Variants in SH3GL2 observed in about 807,000 individuals in gnomAD.
The protein encoded by SH3GL2 is endophilin-A1.
Under a neutral mutation model 46.0 loss-of-function variants are expected in SH3GL2, and 24 were observed. The observed-to-expected ratio is 0.52, with a 90% confidence interval of 0.38 to 0.73. The LOEUF (loss-of-function observed/expected upper bound fraction) is 0.73. Among genes scored for constraint, SH3GL2 ranks in the 30% least tolerant of loss-of-function variants. The probability of loss-of-function intolerance (pLI) is 0.00; values close to 1 mark genes in which losing one functional copy is unlikely to be tolerated. For missense variants in SH3GL2, 413 were observed against 424.2 expected (o/e 0.97, Z 0.23); for synonymous variants, 196 against 147.1 (o/e 1.33, Z -2.40).
intron 2 of SH3GL2, among the ~76,000 whole-genome samples, chr9:17,754,566 G>A (rs1333514120): frequency 3.3e-5 from 5 of 152,062 alleles, no homozygotes; most frequent in South Asian, 2.1e-4. Context: ...CCAGCTACTC[G>A]GGAGGCTGAG....
chr9:17,791,439 A>T lies in SH3GL2; in HGVS notation c.728+105A>T, dbSNP rs986319300. 4.9e-6 allele frequency: 4 copies of T among 824,310 alleles called. No individual in the cohort carries two copies. In the African/African-American group the frequency reaches 6.8e-5, roughly 14 times the overall value. The allele number at this position is 824,310 out of a possible 1,614,324, so 51.1% of individuals were successfully genotyped here. A position where few individuals can be genotyped will look rare whatever the true frequency, so the allele number is the denominator to read the frequency against. On this transcript the variant is annotated intron_variant, in intron 7 of 8. Coordinates refer to ENST00000380607, the MANE Select transcript of SH3GL2 (RefSeq NM_003026.5). ...ACATTTGGAGACAAACGTCTGCCAA[A>T]ATTCCGCTTATCCTACAGAGGCGCC...
chr9:17,689,685 C>T (rs996519349), intron 1 of SH3GL2, among the ~76,000 whole-genome samples: 2 of 152,166 alleles, frequency 1.3e-5, no homozygotes, highest in Non-Finnish European at 2.9e-5. Flanking sequence ...TTTGCCATTT[C>T]CTCTGCCTGA....
chr9:17,610,628 T>C (rs1818843388), intron 1 of SH3GL2, among the ~76,000 whole-genome samples: 2 of 152,218 alleles, frequency 1.3e-5, no homozygotes, highest in Non-Finnish European at 2.9e-5. Context: ...GATCCCTGGC[T>C]GAATAGTGTT....
intron 1 of SH3GL2, among the ~76,000 whole-genome samples, chr9:17,606,853 C>G (rs1818769272): frequency 6.6e-6 from 1 of 152,168 alleles, no homozygotes; most frequent in African/African-American, 2.4e-5. Flanking sequence ...CACTCTTTGT[C>G]CAGGCAGCTT....
chr9:17,697,208 C>G (rs928450088), intron 1 of SH3GL2, among the ~76,000 whole-genome samples: 22 of 151,894 alleles, frequency 1.4e-4, no homozygotes, highest in African/African-American at 5.3e-4. Flanking sequence ...TCAACTTGAG[C>G]ATGAGCTCAA....
intron 1 of SH3GL2, among the ~76,000 whole-genome samples, chr9:17,703,188 G>A (rs1821380031): frequency 6.6e-6 from 1 of 151,934 alleles, no homozygotes; most frequent in South Asian, 2.1e-4. Flanking sequence ...ATGAAAATGA[G>A]CTGCATTATT....
chr9:17,761,373 C>G (rs1297274559), intron 2 of SH3GL2, 64 bp from the exon 3 acceptor site: 2 of 1,055,574 alleles, frequency 1.9e-6, no homozygotes, highest in South Asian at 1.3e-5. Flanking sequence ...ACAGACTCAA[C>G]CAAAAACCGG....
chr9:17,711,174 A>T (rs1821611087), intron 1 of SH3GL2, among the ~76,000 whole-genome samples: 1 of 151,880 alleles, frequency 6.6e-6, no homozygotes. Context: ...CTCCTCAGTA[A>T]ATGTGAGCTG....
At chr9:17,632,281 T>A (rs901489488) in intron 1 of SH3GL2, among the ~76,000 whole-genome samples, 4 of 152,126 alleles carry the variant, frequency 2.6e-5, no homozygotes, top group Non-Finnish European at 5.9e-5. Context: ...TAGAGAAAAA[T>A]AATTAAAAAA....
intron 1 of SH3GL2, among the ~76,000 whole-genome samples, chr9:17,664,256 C>G (rs1820291685): frequency 6.6e-6 from 1 of 152,132 alleles, no homozygotes; most frequent in Non-Finnish European, 1.5e-5. Flanking sequence ...CCCGTGAATA[C>G]ATGTTAGCAA....
At chr9:17,735,920 T>G (rs1166144349) in intron 1 of SH3GL2, 1 of 163,638 alleles carries the variant, frequency 6.1e-6, no homozygotes, top group Non-Finnish European at 1.3e-5. Context: ...ACAAGTACAG[T>G]TCTGATACCT....
chr9:17,613,303 A>G (rs1256942514), intron 1 of SH3GL2, among the ~76,000 whole-genome samples: 1 of 152,224 alleles, frequency 6.6e-6, no homozygotes, highest in African/African-American at 2.4e-5. Context: ...TTAATTTTCA[A>G]CCACTTTCTC....
chr9:17,701,914 T>C (rs1563818846), intron 1 of SH3GL2, among the ~76,000 whole-genome samples: 1 of 152,100 alleles, frequency 6.6e-6, no homozygotes, highest in African/African-American at 2.4e-5. Context: ...GTGATACTTA[T>C]ACAAAAGATA....
intron 1 of SH3GL2, among the ~76,000 whole-genome samples, chr9:17,732,208 A>G (rs1365769572): frequency 1.3e-5 from 2 of 150,616 alleles, no homozygotes; most frequent in African/African-American, 4.9e-5. Flanking sequence ...ACTGTTGGAG[A>G]TGGTGACCGG....
At chr9:17,682,174 C>G in intron 1 of SH3GL2, among the ~76,000 whole-genome samples, 1 of 152,062 alleles carries the variant, frequency 6.6e-6, no homozygotes, top group East Asian at 1.9e-4. Flanking sequence ...GATCTACAAC[C>G]AGAACTACCG....
chr9:17,647,892 C>G lies in SH3GL2; in HGVS notation c.45+68605C>G, dbSNP rs748218597. Among the ~76,000 whole-genome samples, 162 of 152,254 alleles carry G rather than the reference C, an allele frequency of 1.1e-3. 1 individual carries two copies. Among genetic ancestry groups the G allele is most frequent in the Non-Finnish European group, 7.4e-4 (50 of 68,016 alleles). ...CAGATTTTCTTCCACCTCTGCCACC[C>G]TTGAGACAGTGAGGCCAGTCCCCCC... On this transcript the variant is annotated intron_variant, in intron 1 of 8. Coordinates refer to ENST00000380607, the MANE Select transcript of SH3GL2 (RefSeq NM_003026.5).
At chr9:17,611,663 G>A (rs924799251) in intron 1 of SH3GL2, among the ~76,000 whole-genome samples, 17 of 152,330 alleles carry the variant, frequency 1.1e-4, no homozygotes, top group Middle Eastern at 6.8e-3. Flanking sequence ...ATGGACTAAA[G>A]CTTTTAATGC....
intron 1 of SH3GL2, among the ~76,000 whole-genome samples, chr9:17,621,090 C>T (rs997043139): frequency 6.6e-6 from 1 of 152,104 alleles, no homozygotes; most frequent in Non-Finnish European, 1.5e-5. Context: ...AAATTTGTGT[C>T]ATATTAATGC....
chr9:17,772,467 T>C (rs1823512623), intron 3 of SH3GL2, among the ~76,000 whole-genome samples: 1 of 152,174 alleles, frequency 6.6e-6, no homozygotes, highest in Admixed American at 6.5e-5. Flanking sequence ...CTTGTAAAAG[T>C]AAAACTCTAT....
Sources: gnomAD v4.1 joint callset for allele counts (sites outside exome capture counted in the v4.1 genomes callset) on GRCh38, gnomAD v4.1.1 for gene constraint, MANE v1.5 for transcripts, NCBI Gene and HGNC (gene_info 2026-07-23, HGNC 2026-07-21) for gene names.